The following NLRP14 variants were observed in gnomAD, a reference collection of about 807,000 sequenced individuals.
NLRP14 encodes NACHT, LRR and PYD domains-containing protein 14.
In NLRP14, 105 loss-of-function variants were observed where a neutral mutation model predicts 94.7. The observed-to-expected ratio is 1.11, with a 90% CI of 0.95 to 1.30. The LOEUF (loss-of-function observed/expected upper bound fraction) is 1.30, where lower values mean the gene tolerates loss of function less well. Ranked by LOEUF, NLRP14 falls within the 50% of genes most tolerant of loss-of-function variation. The probability of loss-of-function intolerance (pLI) is 0.00; values close to 1 mark genes in which losing one functional copy is unlikely to be tolerated. For synonymous variants in NLRP14, 508 were observed against 459.9 expected, an observed-to-expected ratio of 1.10 and a Z score of -1.34; for missense variants, 1,362 against 1,254.1, an observed-to-expected ratio of 1.09 and a Z score of -1.30.
At chr11:7,087,889 G>T in the NLRP14 span, among the ~76,000 whole-genome samples, 4,714 of 152,216 alleles carry the variant, frequency 0.031, 137 homozygotes, top group East Asian at 0.13. Flanking sequence ...TTACGAATAA[G>T]GAGGATCATT....
intron 6 of NLRP14, among the ~76,000 whole-genome samples, chr11:7,053,767 A>G (rs1018460673): frequency 6.6e-6 from 1 of 152,134 alleles, no homozygotes; most frequent in Non-Finnish European, 1.5e-5. Flanking sequence ...TGGGGTATCT[A>G]TCACCTCACG....
In NLRP14 at chr11:7,046,786, C is replaced by T. The variant is rs773487113; in HGVS notation, c.2077C>T (p.Leu693=). The T allele has an allele frequency of 6.2e-6, 10 of 1,613,686 alleles. No homozygotes were observed. The South Asian group carries it at 8.8e-5, about 14-fold the overall frequency. The part of the protein sequence containing the change: ...SNLDKSAMNI[L]HHELRHPNCK... ...CCTTGATAAATCAGCAATGAATATC[C>T]TGCATCATGAACTAAGGCACCCAAA... The change falls in exon 5 of 12, where the codon CTG becomes TTG. Residue 693 remains leucine, a synonymous_variant. Coordinates refer to ENST00000299481, the MANE Select transcript of NLRP14 (RefSeq NM_176822.4).
chr11:7,077,672 G>T, the NLRP14 span, among the ~76,000 whole-genome samples: 2 of 152,244 alleles, frequency 1.3e-5, no homozygotes, highest in East Asian at 1.9e-4. Flanking sequence ...AAGGTGAAAG[G>T]CACGTCTCAC....
At chr11:7,030,981 C>T (rs371789613) in intron 1 of NLRP14, among the ~76,000 whole-genome samples, 1 of 152,212 alleles carries the variant, frequency 6.6e-6, no homozygotes, top group Non-Finnish European at 1.5e-5. Flanking sequence ...GCTCCCTTGG[C>T]CCCTCCAGCC....
Position 7,049,731 on chromosome 11 carries a change from CA to C in NLRP14, c.2186del (p.Lys729ArgfsTer3). On this transcript the variant is annotated frameshift_variant, in exon 6 of 12. Coordinates refer to ENST00000299481, the MANE Select transcript of NLRP14 (RefSeq NM_176822.4). LOFTEE classifies it high-confidence loss of function. The stretch of plus-strand genomic sequence containing the variant: ...ATATCTCTACTTCTTTGATTCATAA[CA>C]AGAATCTGATGCATCTTGACCTAAA... ...QDISTSLIHN[K>X]NLMHLDLKGS... 6.2e-7 allele frequency: 1 copy of C among 1,610,422 alleles called. No individual in the cohort carries two copies. The highest frequency in any genetic ancestry group is 8.5e-7 in the Non-Finnish European group (1 of 1,176,726).
Position 7,042,550 on chromosome 11 carries a change from A to G in NLRP14, c.524A>G (p.Gln175Arg), listed in dbSNP as rs1296875569. ...LFDVDVKTGAQPQIVVLQGAA... is the reference protein window; with the variant it reads ...LFDVDVKTGARPQIVVLQGAA... ...GATGTGGATGTCAAAACCGGTGCAC[A>G]GCCACAGATCGTGGTGCTTCAGGGA... is the stretch of plus-strand genomic sequence containing the variant. Residue 175 changes from glutamine to arginine, a missense_variant, in exon 4 of 12, where the codon CAG becomes CGG. Gln to Arg is a conservative substitution (Grantham distance 43). Transcript: ENST00000299481. The G allele has an allele frequency of 1.2e-6, 2 of 1,614,274 alleles. No homozygotes were observed. Among genetic ancestry groups the G allele is most frequent in the Non-Finnish European group, 1.7e-6 (2 of 1,180,044 alleles).
intron 9 of NLRP14, among the ~76,000 whole-genome samples, chr11:7,061,261 G>A (rs569050202): frequency 6.6e-6 from 1 of 152,004 alleles, no homozygotes; most frequent in South Asian, 2.1e-4. Context: ...GATGACATGG[G>A]TTACTATGTG....
intron 4 of NLRP14, among the ~76,000 whole-genome samples, chr11:7,046,120 T>C (rs1852344861): frequency 2.0e-5 from 3 of 152,300 alleles, no homozygotes; most frequent in Non-Finnish European, 1.5e-5. Flanking sequence ...TTGTGTACCC[T>C]TTAAAATGCA....
intron 1 of NLRP14, among the ~76,000 whole-genome samples, chr11:7,029,219 G>A (rs565585422): frequency 6.0e-4 from 91 of 152,254 alleles, no homozygotes; most frequent in African/African-American, 2.1e-3. Context: ...TGGTAGACAA[G>A]CGAAGTGACA....
chr11:7,026,336 G>T lies in NLRP14; in HGVS notation c.-22+5566G>T, dbSNP rs370690455. 2.2e-4 allele frequency among the ~76,000 whole-genome samples: 33 copies of T among 152,280 alleles called. No homozygotes were observed. In the East Asian group the frequency reaches 5.8e-3, roughly 27 times the overall value. On this transcript the variant is annotated intron_variant, in intron 1 of 11. Coordinates refer to ENST00000299481, the MANE Select transcript of NLRP14 (RefSeq NM_176822.4). ...AAAAAACAAGTAACCCCATCAAAAA[G>T]TGGGCAAAGGATATGAACAGACACT...
Position 7,042,697 on chromosome 11 carries a change from T to A in NLRP14, c.671T>A (p.Leu224Gln). Residue 224 changes from leucine (L) to glutamine (Q), a missense_variant, in exon 4 of 12, where the codon CTG becomes CAG. Physicochemically the swap from Leu to Gln is moderately radical, Grantham distance 113. Transcript: ENST00000299481. ...CTCAATGGGAGAGAAATTAACCAGC[T>A]GAAAGAGAGAAGCTTTGCTCAATTG... ...FYLNGREINQ[L>Q]KERSFAQLIS... The A allele has an allele frequency of 6.2e-7, 1 of 1,614,208 alleles. No homozygotes were observed. The highest frequency in any genetic ancestry group is 1.1e-5 in the South Asian group (1 of 91,086).
chr11:7,070,381 A>G lies in NLRP14; in HGVS notation c.3071A>G (p.Asn1024Ser), dbSNP rs749684927. The change falls in exon 11 of 12, where the codon AAT becomes AGT. Residue 1024 changes from asparagine (N) to serine (S), a missense_variant. Asn to Ser is a conservative substitution (Grantham distance 46). Transcript: ENST00000299481. ...CTGATAAAAATGAATCTGACACAGAATACCTTAGGATATGAAGGAATTGTG... is the reference window on the plus strand; with the variant it reads ...CTGATAAAAATGAATCTGACACAGAGTACCTTAGGATATGAAGGAATTGTG... ...KRLIKMNLTQ[N>S]TLGYEGIVKL... The G allele has an allele frequency of 7.5e-6, 12 of 1,608,328 alleles. No homozygotes were observed. The highest frequency in any genetic ancestry group is 1.7e-4 in the Middle Eastern group (1 of 6,046).
chr11:7,053,840 A>G (rs906645974), intron 6 of NLRP14, among the ~76,000 whole-genome samples: 1 of 152,106 alleles, frequency 6.6e-6, no homozygotes, highest in East Asian at 1.9e-4. Context: ...TAAAATGTAC[A>G]ATTATTTTTT....
rs1209158452 is a variant in NLRP14, at chr11:7,042,757, T to C, written c.731T>C (p.Ile244Thr). Residue 244 changes from isoleucine (I) to threonine (T), a missense_variant, in exon 4 of 12, where the codon ATT (isoleucine) becomes ACT (threonine). Physicochemically the swap from Ile to Thr is moderately conservative, Grantham distance 89. Coordinates refer to ENST00000299481, the MANE Select transcript of NLRP14 (RefSeq NM_176822.4). ...GACTGGCCCAGCACAGAAGGCCCCA[T>C]TGAAGAAATCATGTACCAGCCAAGT... ...SKDWPSTEGPIEEIMYQPSSL... is the reference protein window; with the variant it reads ...SKDWPSTEGPTEEIMYQPSSL... 6.2e-7 allele frequency: 1 copy of C among 1,614,104 alleles called. No homozygotes were observed. Among genetic ancestry groups the C allele is most frequent in the Non-Finnish European group, 8.5e-7 (1 of 1,180,042 alleles).
downstream of NLRP14, among the ~76,000 whole-genome samples, chr11:7,073,366 T>G (rs1852829795): frequency 6.6e-6 from 1 of 152,326 alleles, no homozygotes; most frequent in Non-Finnish European, 1.5e-5. Flanking sequence ...AACCAACACT[T>G]TTTCTTTGAT....
chr11:7,046,814 G>A lies in NLRP14; in HGVS notation c.2105G>A (p.Cys702Tyr), dbSNP rs764734846. The A allele has an allele frequency of 1.2e-6, 2 of 1,613,242 alleles. No homozygotes were observed. The highest frequency in any genetic ancestry group is 2.2e-5 in the South Asian group (2 of 91,058). Reference sequence around the variant, plus strand: ...CATCATGAACTAAGGCACCCAAACTGTAAACTACAAAAGCTACTGTAAGTC... The same window carrying A: ...CATCATGAACTAAGGCACCCAAACTATAAACTACAAAAGCTACTGTAAGTC... ...ILHHELRHPN[C>Y]KLQKLLLKFI... The change falls in exon 5 of 12, where the codon TGT (cysteine) becomes TAT (tyrosine). Residue 702 changes from cysteine to tyrosine, a missense_variant. By Grantham distance (194) the Cys-to-Tyr change is radical (BLOSUM62 -2). Coordinates refer to ENST00000299481, the MANE Select transcript of NLRP14 (RefSeq NM_176822.4).
At position 7,071,202 on chromosome 11, in the gene NLRP14, C is replaced by T; in HGVS notation, c.3176C>T (p.Ala1059Val). 6.2e-7 allele frequency: 1 copy of T among 1,613,542 alleles called. No individual in the cohort carries two copies. The highest frequency in any genetic ancestry group is 8.5e-7 in the Non-Finnish European group (1 of 1,179,878). ...TGCAAAGAGGCATTTGATGAGGAAG[C>T]CCAGAAGCTGCTGGAAGCTGTGGGA... is the stretch of plus-strand genomic sequence containing the variant. ...GLCKEAFDEE[A>V]QKLLEAVGVS... The change falls in exon 12 of 12, where the codon GCC becomes GTC. Residue 1059 changes from alanine to valine, a missense_variant. By Grantham distance (64) the Ala-to-Val change is moderately conservative (BLOSUM62 0). Transcript: ENST00000299481.
intron 10 of NLRP14, among the ~76,000 whole-genome samples, chr11:7,070,068 G>A (rs747146198): frequency 1.3e-5 from 2 of 152,038 alleles, no homozygotes; most frequent in East Asian, 1.9e-4. Context: ...TAATAATTAC[G>A]AATTTGTAAT....
chr11:7,047,498 G>T (rs555828536), intron 5 of NLRP14, among the ~76,000 whole-genome samples: 3 of 151,560 alleles, frequency 2.0e-5, no homozygotes, highest in African/African-American at 7.3e-5. Context: ...TAGAGATGTG[G>T]TCTCACTGTG....
Sources: gnomAD v4.1 joint callset for allele counts (sites outside exome capture counted in the v4.1 genomes callset) on GRCh38, gnomAD v4.1.1 for gene constraint, MANE v1.5 for transcripts, NCBI Gene and HGNC (gene_info 2026-07-23, HGNC 2026-07-21) for gene names.